The following GSE1 variants were observed in gnomAD, a reference collection of about 807,000 sequenced individuals.
The protein encoded by GSE1 is genetic suppressor element 1.
GSE1 carries 32 observed loss-of-function variants against 112.6 expected under a neutral mutation model. The ratio of observed to expected loss-of-function variants is 0.28; its 90% CI spans 0.21 to 0.38. The LOEUF (loss-of-function observed/expected upper bound fraction) is 0.38. Among genes scored for constraint, GSE1 ranks in the 10% least tolerant of loss-of-function variants. GSE1 has a pLI of 1.00. For missense variants in GSE1, 2,348 were observed against 1,699.2 expected (o/e 1.38, Z -6.71); for synonymous variants, 1,115 against 735.6 (o/e 1.52, Z -8.35).
chr16:85,510,498 T>C (rs1334958264), intron 2 of GSE1, among the ~76,000 whole-genome samples: 1 of 152,124 alleles, frequency 6.6e-6, no homozygotes. Flanking sequence ...CCTGGCAGCC[T>C]TGCTTTGTGC....
chr16:85,533,224 C>G (rs1177071540), intron 2 of GSE1, among the ~76,000 whole-genome samples: 1 of 149,034 alleles, frequency 6.7e-6, no homozygotes, highest in Non-Finnish European at 1.5e-5. Flanking sequence ...ACCAGCCTGA[C>G]CATGGCGAAA....
intron 2 of GSE1, among the ~76,000 whole-genome samples, chr16:85,635,793 C>T (rs1480854879): frequency 6.6e-6 from 1 of 152,210 alleles, no homozygotes; most frequent in Admixed American, 6.5e-5. Flanking sequence ...TTTGGGGCCT[C>T]TGGGCTCCAC....
At chr16:85,645,783 T>C (rs955234579) in intron 2 of GSE1, among the ~76,000 whole-genome samples, 1 of 152,256 alleles carries the variant, frequency 6.6e-6, no homozygotes, top group South Asian at 2.1e-4. Context: ...GGGTCCTCCT[T>C]CTGGAAAGGG....
At position 85,256,627 on chromosome 16, in the gene GSE1, C is replaced by T. The variant is rs918419277; in HGVS notation, c.2283+84820C>T. Among the ~76,000 whole-genome samples the T allele has an allele frequency of 2.6e-5, 4 of 152,252 alleles. No homozygotes were observed. In the South Asian group the frequency reaches 8.3e-4, roughly 32 times the overall value. ...TATTTCCATCCGGGACCCCGGATTC[C>T]ACCAGCTCCTCCCCATCCCTGCCTG... On this transcript the variant is annotated intron_variant, in intron 1 of 2. Coordinates refer to the GSE1 transcript ENST00000637419.
In GSE1 at chr16:85,654,316, C is replaced by A. The variant is rs776544368; in HGVS notation, c.465C>A (p.Arg155=). ...GSRSSSGGRE[R]LIVEPPLPQE... ...GGAGCAGCAGTGGAGGTCGGGAACGCCTCATTGTGGAGCCCCCGCTCCCTC... is the reference window on the plus strand; with the variant it reads ...GGAGCAGCAGTGGAGGTCGGGAACGACTCATTGTGGAGCCCCCGCTCCCTC... The change falls in exon 4 of 16, where the codon CGC becomes CGA. Residue 155 remains arginine, a synonymous_variant. Coordinates refer to ENST00000253458, the MANE Select transcript of GSE1 (RefSeq NM_014615.5). 1.9e-5 allele frequency: 30 copies of A among 1,610,060 alleles called. No homozygotes were observed. Among genetic ancestry groups the A allele is most frequent in the Non-Finnish European group, 2.5e-5 (29 of 1,178,996 alleles).
chr16:85,187,129 G>A (rs2074720307), intron 1 of GSE1, among the ~76,000 whole-genome samples: 1 of 152,316 alleles, frequency 6.6e-6, no homozygotes, highest in African/African-American at 2.4e-5. Context: ...GTCTGGAGCC[G>A]GCCAGTGGGA....
chr16:85,486,557 C>G (rs1016664977), intron 2 of GSE1, among the ~76,000 whole-genome samples: 2 of 152,232 alleles, frequency 1.3e-5, no homozygotes, highest in Admixed American at 6.5e-5. Context: ...ACTGATAAGG[C>G]CTTGCCTCTG....
intron 2 of GSE1, among the ~76,000 whole-genome samples, chr16:85,396,642 G>C (rs904114833): frequency 1.3e-5 from 2 of 152,244 alleles, no homozygotes; most frequent in African/African-American, 4.8e-5. Context: ...CAGGATTTCT[G>C]CTCAGTTCAG....
chr16:85,591,852 A>G (rs559105469), intron 1 of GSE1, among the ~76,000 whole-genome samples: 1 of 152,350 alleles, frequency 6.6e-6, no homozygotes, highest in South Asian at 2.1e-4. Flanking sequence ...GACTTTCCGG[A>G]GCAGCGCTGT....
intron 1 of GSE1, among the ~76,000 whole-genome samples, chr16:85,256,452 C>A (rs934821479): frequency 6.6e-6 from 1 of 152,232 alleles, no homozygotes; most frequent in Non-Finnish European, 1.5e-5. Flanking sequence ...TGGGACTGTT[C>A]TCGTTGCCTT....
chr16:85,563,409 C>G (rs768667543), intron 1 of GSE1, among the ~76,000 whole-genome samples: 8 of 152,208 alleles, frequency 5.3e-5, no homozygotes, highest in Non-Finnish European at 1.0e-4. Context: ...TTTTCCCACA[C>G]ATGCCAGGCC....
chr16:85,582,065 C>T (rs1447292388), intron 1 of GSE1: 1 of 152,202 alleles, frequency 6.6e-6, no homozygotes, highest in Non-Finnish European at 1.5e-5. Context: ...TCTCCTGGGC[C>T]TCCATCCCTG....
chr16:85,425,978 G>C (rs2048968221), intron 2 of GSE1, among the ~76,000 whole-genome samples: 1 of 152,068 alleles, frequency 6.6e-6, no homozygotes, highest in Non-Finnish European at 1.5e-5. Flanking sequence ...AGACAGTCAT[G>C]CTCTGGAATC....
chr16:85,233,745 A>G (rs1293368918), intron 1 of GSE1, among the ~76,000 whole-genome samples: 1 of 152,166 alleles, frequency 6.6e-6, no homozygotes, highest in Non-Finnish European at 1.5e-5. Context: ...GGAGGCAGGC[A>G]TCCATCAGAC....
chr16:85,222,052 C>T (rs904786270), intron 1 of GSE1, among the ~76,000 whole-genome samples: 6 of 152,150 alleles, frequency 3.9e-5, no homozygotes, highest in Admixed American at 1.3e-4. Flanking sequence ...GCCTGGGGTA[C>T]GCAGGCCCAG....
intron 2 of GSE1, among the ~76,000 whole-genome samples, chr16:85,500,949 C>T (rs1485117210): frequency 6.6e-6 from 1 of 150,658 alleles, no homozygotes; most frequent in Non-Finnish European, 1.5e-5. Flanking sequence ...CTGCTAGAGA[C>T]TCCAGTCTTG....
intron 1 of GSE1, among the ~76,000 whole-genome samples, chr16:85,627,104 T>C (rs1391696978): frequency 8.7e-6 from 1 of 114,866 alleles, no homozygotes; most frequent in Non-Finnish European, 1.7e-5. Context: ...CTGACCCTAT[T>C]AGAAACCTAG....
rs1422600412 is a variant in GSE1 at position 85,404,599 on chromosome 16, C to T, written c.2464+46956C>T. 2.2e-4 allele frequency among the ~76,000 whole-genome samples: 13 copies of T among 60,440 alleles called. No individual in the cohort carries two copies. In the South Asian group the frequency reaches 5.9e-3, roughly 27 times the overall value. 39.7% of individuals were successfully genotyped at this position (60,440 alleles called of 152,430 possible). A position where few individuals can be genotyped will look rare whatever the true frequency, so the allele number is the denominator to read the frequency against. On this transcript the variant is annotated intron_variant, in intron 2 of 2. Coordinates refer to the GSE1 transcript ENST00000637419. The stretch of plus-strand genomic sequence containing the variant: ...TCCTCACTGTTACACTCAGGCCCCC[C>T]GGATAATCCTCACCGTTACACTCAG...
At chr16:85,670,270 G>GGCA (rs2053222591) in intron 14 of GSE1, among the ~76,000 whole-genome samples, 1 of 152,156 alleles carries the variant, frequency 6.6e-6, no homozygotes, top group Non-Finnish European at 1.5e-5. Context: ...TGATTGTCTT[G>GGCA]TCACTCCAGT....
Sources: gnomAD v4.1 joint callset for allele counts (sites outside exome capture counted in the v4.1 genomes callset) on GRCh38, gnomAD v4.1.1 for gene constraint, MANE v1.5 for transcripts, NCBI Gene and HGNC (gene_info 2026-07-23, HGNC 2026-07-21) for gene names.